CDC27: variants seen among roughly 807,000 people sequenced by gnomAD.
CDC27 encodes cell division cycle protein 27 homolog.
Under a neutral mutation model 109.7 loss-of-function variants are expected in CDC27, and 27 were observed. That is an observed-to-expected ratio of 0.25 (90% CI 0.18 to 0.34). The LOEUF (loss-of-function observed/expected upper bound fraction) is 0.34, where lower values mean the gene tolerates loss of function less well. Among genes scored for constraint, CDC27 ranks in the 10% least tolerant of loss-of-function variants. CDC27 has a pLI of 1.00. For synonymous variants in CDC27, 266 were observed against 333.9 expected (o/e 0.80, Z 2.22); for missense variants, 579 against 960.2 (o/e 0.60, Z 5.25).
chr17:47,137,346 T>G lies in CDC27; in HGVS notation c.1719A>C (p.Ala573=). The G allele has an allele frequency of 1.3e-6, 2 of 1,593,658 alleles. No homozygotes were observed. The highest frequency in any genetic ancestry group is 1.7e-6 in the Non-Finnish European group (2 of 1,171,582). Residue 573 remains alanine, a synonymous_variant, in exon 14 of 19, where the codon GCA becomes GCC. Coordinates refer to ENST00000066544, the MANE Select transcript of CDC27 (RefSeq NM_001256.6). ...DKNSPEAWCA[A]GNCFSLQREH... ...CCCGTTGCAGACTGAAACAGTTCCCTGCAGCACACCAGGCCTTAAAAAAAT... is the reference window on the plus strand; with the variant it reads ...CCCGTTGCAGACTGAAACAGTTCCCGGCAGCACACCAGGCCTTAAAAAAAT...
intron 15 of CDC27, among the ~76,000 whole-genome samples, chr17:47,130,036 A>G (rs1287692099): frequency 6.6e-6 from 1 of 152,178 alleles, no homozygotes; most frequent in Non-Finnish European, 1.5e-5. Context: ...CAGAACAATT[A>G]TATTTTCAAT....
At chr17:47,174,973 G>GACTATCGAA (rs770306644) in intron 2 of CDC27, among the ~76,000 whole-genome samples, 16 of 106,778 alleles carry the variant, frequency 1.5e-4, no homozygotes, top group African/African-American at 6.4e-5. Flanking sequence ...ATCGAAACAG[G>GACTATCGAA]ACAGGACAGG....
intron 4 of CDC27, chr17:47,159,629 GTGGCCACCTCC>G (rs2063431990): frequency 2.2e-6 from 1 of 462,034 alleles, no homozygotes; most frequent in African/African-American, 2.0e-5. Context: ...GCAGATGGCA[GTGGCCACCTCC>G]TTGGAGCATT....
intron 10 of CDC27, among the ~76,000 whole-genome samples, 170 bp downstream of exon 10, chr17:47,143,713 C>T (rs1026452195): frequency 1.3e-5 from 2 of 151,866 alleles, no homozygotes; most frequent in East Asian, 3.8e-4. Flanking sequence ...ATAATATTTA[C>T]CAAAGGACTA....
At chr17:47,154,842 G>T in intron 7 of CDC27, 56 bp from the exon 8 acceptor site, 1 of 800,194 alleles carries the variant, frequency 1.2e-6, no homozygotes. Flanking sequence ...ATATAAAGCA[G>T]CAGTATACTT....
rs34061862 is a variant in CDC27 at position 47,180,945 on chromosome 17, T to TAA, written c.103+615_103+616dup. 3.4e-3 allele frequency among the ~76,000 whole-genome samples: 382 copies of TAA among 111,662 alleles called. 3 individuals are homozygous for TAA. The highest frequency in any genetic ancestry group is 0.013 in the East Asian group (47 of 3,684). The allele number at this position is 111,662 out of a possible 152,430, so 73.3% of individuals were successfully genotyped here. On this transcript the variant is annotated intron_variant, in intron 2 of 18. Coordinates refer to ENST00000066544, the MANE Select transcript of CDC27 (RefSeq NM_001256.6). ...CACCATAGAATACAGACTCTTTTCTTAAAAAAAAAAAAAAAAAAAAAAAAT... is the reference window on the plus strand; with the variant it reads ...CACCATAGAATACAGACTCTTTTCTTAAAAAAAAAAAAAAAAAAAAAAAAAAT...
At chr17:47,146,373 T>C (rs775794094) in intron 9 of CDC27, among the ~76,000 whole-genome samples, 1 of 152,228 alleles carries the variant, frequency 6.6e-6, no homozygotes, top group African/African-American at 2.4e-5. Context: ...TGTTGGGGAC[T>C]GTGATCTTAA....
At chr17:47,139,592 T>C (rs2062732596) in intron 12 of CDC27, among the ~76,000 whole-genome samples, 1 of 152,168 alleles carries the variant, frequency 6.6e-6, no homozygotes, top group Non-Finnish European at 1.5e-5. Context: ...GGAAAGATGA[T>C]GGAAGAATGA....
At chr17:47,134,643 T>C (rs991306775) in intron 14 of CDC27, among the ~76,000 whole-genome samples, 2 of 152,018 alleles carry the variant, frequency 1.3e-5, no homozygotes, top group East Asian at 1.9e-4. Flanking sequence ...ACCCAGCTAA[T>C]TTTTGTATTT....
intron 15 of CDC27, among the ~76,000 whole-genome samples, chr17:47,131,209 T>C (rs1371371340): frequency 6.6e-6 from 1 of 152,190 alleles, no homozygotes; most frequent in Admixed American, 6.5e-5. Context: ...CCAAAAGGTG[T>C]CAAGAGATTT....
chr17:47,127,703 AT>A (rs541207930), intron 16 of CDC27, among the ~76,000 whole-genome samples: 6 of 143,518 alleles, frequency 4.2e-5, no homozygotes, highest in Admixed American at 6.9e-5. Flanking sequence ...GCCTGGCCCT[AT>A]TTTTTTTTTG....
intron 4 of CDC27, among the ~76,000 whole-genome samples, chr17:47,164,598 T>TG (rs1287549234): frequency 6.6e-6 from 1 of 152,146 alleles, no homozygotes; most frequent in African/African-American, 2.4e-5. Context: ...AGGTGGATCA[T>TG]GTGAGGTTGG....
intron 15 of CDC27, among the ~76,000 whole-genome samples, chr17:47,131,049 G>C (rs2062314369): frequency 6.6e-6 from 1 of 151,902 alleles, no homozygotes; most frequent in South Asian, 2.1e-4. Context: ...CTGCCCACAG[G>C]ACTGAGACCC....
At chr17:47,139,634 T>C (rs2062733764) in intron 12 of CDC27, 1 of 152,170 alleles carries the variant, frequency 6.6e-6, no homozygotes, top group African/African-American at 2.4e-5. Context: ...TTTTGAACAA[T>C]TTTTACCGAG....
chr17:47,132,988 CATATAT>C (rs1158266100), intron 14 of CDC27, among the ~76,000 whole-genome samples: 455 of 40,828 alleles, frequency 0.011, 4 homozygotes, highest in Middle Eastern at 0.023. Flanking sequence ...TGCCCAGGCG[CATATAT>C]ATATATATAT....
intron 14 of CDC27, among the ~76,000 whole-genome samples, chr17:47,133,535 G>A (rs949173804): frequency 4.6e-5 from 7 of 151,472 alleles, no homozygotes; most frequent in Non-Finnish European, 8.8e-5. Context: ...CGCCTCCCAG[G>A]TTCAAGCGTT....
intron 10 of CDC27, among the ~76,000 whole-genome samples, chr17:47,143,425 T>TA (rs1180580790): frequency 6.6e-5 from 10 of 152,338 alleles, no homozygotes; most frequent in Non-Finnish European, 1.3e-4. Flanking sequence ...TCAGTTTTTA[T>TA]ATAAACCCGT....
At chr17:47,132,029 C>CAT (rs2062359623) in intron 15 of CDC27, among the ~76,000 whole-genome samples, 1 of 148,530 alleles carries the variant, frequency 6.7e-6, no homozygotes, top group South Asian at 2.2e-4. Flanking sequence ...TAGTACATGA[C>CAT]ATTCATAAAA....
rs1364575977 is a variant in CDC27, at chr17:47,142,836, G to A, written c.1171-400C>T. Among the ~76,000 whole-genome samples the A allele has an allele frequency of 2.6e-5, 4 of 152,186 alleles. No individual in the cohort carries two copies. The South Asian group carries it at 6.2e-4, about 24-fold the overall frequency. ...TGAGATTACAGGCATGAGCCACCAC[G>A]CCCGGTTAATTTTTATTTTGGAAGA... On this transcript the variant is annotated intron_variant, in intron 10 of 18. Transcript: ENST00000066544.
Sources: gnomAD v4.1 joint callset for allele counts (sites outside exome capture counted in the v4.1 genomes callset) on GRCh38, gnomAD v4.1.1 for gene constraint, MANE v1.5 for transcripts, NCBI Gene and HGNC (gene_info 2026-07-23, HGNC 2026-07-21) for gene names.